Variants in FBXO5 observed in about 807,000 individuals in gnomAD.
The protein encoded by FBXO5 is F-box only protein 5.
In FBXO5, 8 loss-of-function variants were observed where a neutral mutation model predicts 43.3. That is an observed-to-expected ratio of 0.18 (90% CI 0.11 to 0.33). FBXO5 has a LOEUF of 0.33. FBXO5 is among the 10% of genes least tolerant of loss of function. The pLI is 1.00. For missense variants in FBXO5, 491 were observed against 535.7 expected, an observed-to-expected ratio of 0.92 and a Z score of 0.82; for synonymous variants, 204 against 193.7, an observed-to-expected ratio of 1.05 and a Z score of -0.44.
At position 152,982,870 on chromosome 6, in the gene FBXO5, A is replaced by G; in HGVS notation, c.90T>C (p.Pro30=). 6.6e-7 allele frequency: 1 copy of G among 1,511,140 alleles called. No individual in the cohort carries two copies. Among genetic ancestry groups the G allele is most frequent in the East Asian group, 2.8e-5 (1 of 35,346 alleles). The allele number at this position is 1,511,140 out of a possible 1,614,324, so 93.6% of individuals were successfully genotyped here. A position where few individuals can be genotyped will look rare whatever the true frequency, so the allele number is the denominator to read the frequency against. ...SPSAVTAAGR[P]RPSDSCKEES... ...CCCCTCACTCACTATCCGAGGGTCG[A>G]GGGCGCCCGGCGGCTGTCACTGCGC... The change falls in exon 1 of 5, where the codon CCT becomes CCC. Residue 30 remains proline, a synonymous_variant. Transcript: ENST00000229758.
chr6:152,979,771 G>C (rs1778233247), intron 1 of FBXO5, among the ~76,000 whole-genome samples: 2 of 152,112 alleles, frequency 1.3e-5, no homozygotes, highest in Non-Finnish European at 1.5e-5. Flanking sequence ...GTTGACATTG[G>C]TGTCCATTTC....
chr6:152,982,828 C>G (rs1046775091), intron 1 of FBXO5, 29 bp downstream of exon 1: 10 of 1,441,598 alleles, frequency 6.9e-6, no homozygotes, highest in South Asian at 2.6e-5. Flanking sequence ...GGCGTGCGCG[C>G]CCCCCTCGCG....
chr6:152,975,996 A>G (rs1348148029), intron 1 of FBXO5, among the ~76,000 whole-genome samples: 4 of 152,168 alleles, frequency 2.6e-5, no homozygotes, highest in African/African-American at 9.7e-5. Context: ...AATGTGATGT[A>G]TCAAAAGAGT....
At chr6:152,981,197 T>G (rs1306499740) in intron 1 of FBXO5, among the ~76,000 whole-genome samples, 1 of 152,218 alleles carries the variant, frequency 6.6e-6, no homozygotes, top group Non-Finnish European at 1.5e-5. Context: ...CAGACACTAA[T>G]AAGACTCATA....
chr6:152,971,355 A>C lies in FBXO5; in HGVS notation c.1152T>G (p.Pro384=). The stretch of plus-strand genomic sequence containing the variant: ...GTTGTAAATAGCAATCATATTTTGC[A>C]GGTGAATTACAGCGAATACAGGCTT... ...SLKACIRCNS[P]AKYDCYLQRA... The change falls in exon 5 of 5, where the codon CCT becomes CCG. Residue 384 remains proline (P), a synonymous_variant. Transcript: ENST00000229758. 6.2e-7 allele frequency: 1 copy of C among 1,613,992 alleles called. No homozygotes were observed. Among genetic ancestry groups the C allele is most frequent in the Non-Finnish European group, 8.5e-7 (1 of 1,179,922 alleles).
chr6:152,976,547 G>T (rs1778171684), intron 1 of FBXO5, among the ~76,000 whole-genome samples: 2 of 152,152 alleles, frequency 1.3e-5, no homozygotes, highest in African/African-American at 4.8e-5. Context: ...GAATAGTTCT[G>T]CTATCAATCA....
Position 152,971,308 on chromosome 6 carries a change from C to T in FBXO5, c.1199G>A (p.Gly400Asp), listed in dbSNP as rs752231600. The T allele has an allele frequency of 1.2e-6, 2 of 1,613,890 alleles. No individual in the cohort carries two copies. Among genetic ancestry groups the T allele is most frequent in the East Asian group, 2.2e-5 (1 of 44,876 alleles). Residue 400 changes from glycine to aspartate, a missense_variant, in exon 5 of 5, where the codon GGC (glycine) becomes GAC (aspartate). Physicochemically the swap from Gly to Asp is moderately conservative, Grantham distance 94. Coordinates refer to ENST00000229758, the MANE Select transcript of FBXO5 (RefSeq NM_012177.5). ...YLQRATCKRE[G>D]CGFDYCTKCL... ...CTTCGTACAATAATCAAATCCACAGCCTTCTCGTTTGCAGGTTGCCCGTTG... is the reference window on the plus strand; with the variant it reads ...CTTCGTACAATAATCAAATCCACAGTCTTCTCGTTTGCAGGTTGCCCGTTG...
chr6:152,972,592 C>T (rs1013335873), intron 3 of FBXO5, 138 bp from the exon 4 acceptor site: 11 of 628,926 alleles, frequency 1.7e-5, no homozygotes, highest in African/African-American at 9.1e-5. Context: ...TTTACCTGCA[C>T]GTACTTAAAC....
chr6:152,971,120 C>G lies in FBXO5; in HGVS notation c.*43G>C. 6.5e-7 allele frequency: 1 copy of G among 1,529,790 alleles called. No homozygotes were observed. Among genetic ancestry groups the G allele is most frequent in the Middle Eastern group, 2.1e-4 (1 of 4,726 alleles). 94.8% of individuals were successfully genotyped at this position (1,529,790 alleles called of 1,614,324 possible). A position where few individuals can be genotyped will look rare whatever the true frequency, so the allele number is the denominator to read the frequency against. ...TTTTTAAGTTAAAACCTAACATTTT[C>G]TAACTAACATTCATGATCAGTAACA... On this transcript the variant is annotated 3_prime_UTR_variant, in exon 5 of 5. Transcript: ENST00000229758.
upstream of FBXO5, chr6:152,983,073 ATC>A: frequency 1.7e-6 from 1 of 581,300 alleles, no homozygotes; most frequent in Non-Finnish European, 2.7e-6. Flanking sequence ...TACTTTTAAA[ATC>A]TTTGAATTTG....
rs761018036 is a variant in FBXO5, at chr6:152,975,058, T to A, written c.667A>T (p.Ile223Phe). 37 of 1,614,200 alleles carry A rather than the reference T, an allele frequency of 2.3e-5. 1 individual carries two copies. In the South Asian group the frequency reaches 3.2e-4, roughly 14 times the overall value. Residue 223 changes from isoleucine (I) to phenylalanine (F), a missense_variant, in exon 2 of 5, where the codon ATT (isoleucine) becomes TTT (phenylalanine). By Grantham distance (21) the Ile-to-Phe change is conservative. Coordinates refer to ENST00000229758, the MANE Select transcript of FBXO5 (RefSeq NM_012177.5). ...AGTCTAAAATTTCCTCTGGCTATAA[T>A]TTCCTTCAGCATCTCCCGATCTACT... Reference protein sequence around the residue: ...PKVDREMLKEIIARGNFRLQN... With the variant: ...PKVDREMLKEFIARGNFRLQN...
Position 152,975,007 on chromosome 6 carries a change from C to G in FBXO5, c.718G>C (p.Gly240Arg). 1 of 1,614,096 alleles carries G rather than the reference C, an allele frequency of 6.2e-7. No individual in the cohort carries two copies. Among genetic ancestry groups the G allele is most frequent in the Non-Finnish European group, 8.5e-7 (1 of 1,180,028 alleles). Residue 240 changes from glycine (G) to arginine (R), a missense_variant, in exon 2 of 5, where the codon GGC (glycine) becomes CGC (arginine). Gly to Arg is a moderately radical substitution (Grantham distance 125). Transcript: ENST00000229758. ...CTGAGAATATCTACACATTCTAGGC[C>G]CATTTTTCTGCCAATTATATTCTGC... ...RLQNIIGRKM[G>R]LECVDILSEL...
intron 2 of FBXO5, 116 bp downstream of exon 2, chr6:152,974,791 T>G (rs918470474): frequency 1.3e-6 from 1 of 786,440 alleles, no homozygotes; most frequent in Admixed American, 2.9e-5. Context: ...TACTAAGCAT[T>G]TCAGATGAGG....
At chr6:152,975,920 T>C (rs547610759) in intron 1 of FBXO5, among the ~76,000 whole-genome samples, 1 of 152,168 alleles carries the variant, frequency 6.6e-6, no homozygotes, top group East Asian at 1.9e-4. Context: ...CTATAACTGA[T>C]TGAGTAAAAA....
chr6:152,976,505 C>T lies in FBXO5; in HGVS notation c.104-884G>A, dbSNP rs77980353. ...TCTTTAATCACTGAACAAAGACATT[C>T]CACGACTAATTTACCAAAGAACCGT... On this transcript the variant is annotated intron_variant, in intron 1 of 4. Transcript: ENST00000229758. Among the ~76,000 whole-genome samples, 972 of 152,234 alleles carry T rather than the reference C, an allele frequency of 6.4e-3. 14 individuals are homozygous for T. In the South Asian group the frequency reaches 0.075, roughly 12 times the overall value.
At position 152,972,449 on chromosome 6, in the gene FBXO5, G is replaced by GTTTTTTTTTTTTT; in HGVS notation, c.914_915insAAAAAAAAAAAAA (p.Asn305LysfsTer8). 1 of 1,576,150 alleles carries GTTTTTTTTTTTTT rather than the reference G, an allele frequency of 6.3e-7. No individual in the cohort carries two copies. The highest frequency in any genetic ancestry group is 8.6e-7 in the Non-Finnish European group (1 of 1,163,734). On this transcript the variant is annotated frameshift_variant, in exon 4 of 5. Coordinates refer to ENST00000229758, the MANE Select transcript of FBXO5 (RefSeq NM_012177.5). LOFTEE classifies it high-confidence loss of function. ...AAGCATGAGGTGAAAATTTATTGTT[G>GTTTTTTTTTTTTT]TTTTCCTAATTTAAAAAAAAGTTTT...
chr6:152,981,625 G>C (rs1254072507), intron 1 of FBXO5, among the ~76,000 whole-genome samples: 2 of 150,818 alleles, frequency 1.3e-5, no homozygotes, highest in African/African-American at 4.9e-5. Context: ...TTTCTGAGGA[G>C]CAAGGTAGTA....
chr6:152,976,384 TC>T (rs1766268009), intron 1 of FBXO5, among the ~76,000 whole-genome samples: 1 of 152,172 alleles, frequency 6.6e-6, no homozygotes, highest in African/African-American at 2.4e-5. Context: ...CTGGTGACCT[TC>T]TAATATATTC....
chr6:152,977,800 T>C (rs1462601599), intron 1 of FBXO5, among the ~76,000 whole-genome samples: 4 of 152,198 alleles, frequency 2.6e-5, no homozygotes, highest in Non-Finnish European at 5.9e-5. Flanking sequence ...CTGAAAATAC[T>C]TCAGGAATTC....
Sources: gnomAD v4.1 joint callset for allele counts (sites outside exome capture counted in the v4.1 genomes callset) on GRCh38, gnomAD v4.1.1 for gene constraint, MANE v1.5 for transcripts, NCBI Gene and HGNC (gene_info 2026-07-23, HGNC 2026-07-21) for gene names.